The following RALYL variants were observed in gnomAD, a reference collection of about 807,000 sequenced individuals.
The protein encoded by RALYL is RALY RNA binding protein like.
A neutral mutation model predicts 35.1 loss-of-function variants in RALYL; 29 were observed. That is an observed-to-expected ratio of 0.83 (90% CI 0.61 to 1.13). The LOEUF is 1.13. Among genes scored for constraint, RALYL ranks in the 50% most tolerant of loss-of-function variants. The pLI is 0.00. For missense variants in RALYL, 359 were observed against 360.4 expected (o/e 1.00, Z 0.03); for synonymous variants, 120 against 127.6 (o/e 0.94, Z 0.40).
At chr8:84,578,712 C>G (rs1213940775) in intron 2 of RALYL, among the ~76,000 whole-genome samples, 2 of 152,138 alleles carry the variant, frequency 1.3e-5, no homozygotes, top group Non-Finnish European at 2.9e-5. Context: ...GAGAGATGAA[C>G]CACAGTGGGT....
chr8:84,446,418 T>C (rs957541057), intron 1 of RALYL, among the ~76,000 whole-genome samples: 6 of 152,038 alleles, frequency 3.9e-5, no homozygotes, highest in Non-Finnish European at 7.4e-5. Flanking sequence ...GTTATATTCA[T>C]GGATCTAGCT....
intron 2 of RALYL, among the ~76,000 whole-genome samples, chr8:84,746,460 G>C (rs1808626569): frequency 6.6e-6 from 1 of 151,872 alleles, no homozygotes; most frequent in South Asian, 2.1e-4. Context: ...AAAGAGCATA[G>C]CCATTTCTTC....
intron 2 of RALYL, among the ~76,000 whole-genome samples, chr8:84,621,899 C>A (rs1821598876): frequency 6.6e-6 from 1 of 152,150 alleles, no homozygotes; most frequent in African/African-American, 2.4e-5. Context: ...TTTTCAAGCT[C>A]TTTTTCTATG....
At chr8:84,242,227 C>T (rs957225604) in intron 1 of RALYL, among the ~76,000 whole-genome samples, 23 of 152,218 alleles carry the variant, frequency 1.5e-4, no homozygotes, top group African/African-American at 5.3e-4. Flanking sequence ...GCATATGTAC[C>T]ACATTTTCTT....
At chr8:84,872,723 C>T (rs1169696618) in intron 6 of RALYL, 1 of 152,236 alleles carries the variant, frequency 6.6e-6, no homozygotes, top group Admixed American at 6.5e-5. Context: ...GTACAACTCA[C>T]TGCCTTAGTT....
chr8:84,753,689 A>G (rs527444669), intron 2 of RALYL, among the ~76,000 whole-genome samples: 5 of 152,256 alleles, frequency 3.3e-5, no homozygotes, highest in Admixed American at 6.5e-5. Context: ...TATTCCAGCC[A>G]GGTGAAGTGC....
intron 3 of RALYL, among the ~76,000 whole-genome samples, chr8:84,790,051 G>A (rs770146251): frequency 6.6e-6 from 1 of 152,216 alleles, no homozygotes; most frequent in African/African-American, 2.4e-5. Flanking sequence ...GGTAGGTGAA[G>A]CACATATAGA....
intron 1 of RALYL, among the ~76,000 whole-genome samples, chr8:84,307,348 T>C (rs1842007669): frequency 6.6e-6 from 1 of 152,110 alleles, no homozygotes; most frequent in Non-Finnish European, 1.5e-5. Context: ...ACACAAACAA[T>C]GGATCTTTTA....
At chr8:84,790,190 G>C (rs1048735428) in intron 3 of RALYL, among the ~76,000 whole-genome samples, 3 of 152,160 alleles carry the variant, frequency 2.0e-5, no homozygotes, top group African/African-American at 4.8e-5. Context: ...GAAAAAAGCA[G>C]GGCAAGCTAG....
intron 8 of RALYL, among the ~76,000 whole-genome samples, chr8:84,889,570 G>T (rs919356154): frequency 6.6e-6 from 1 of 152,110 alleles, no homozygotes; most frequent in African/African-American, 2.4e-5. Flanking sequence ...GTCCCAAGAT[G>T]TCTTCATCAA....
intron 2 of RALYL, among the ~76,000 whole-genome samples, chr8:84,559,556 A>G (rs1191704662): frequency 6.6e-6 from 1 of 152,046 alleles, no homozygotes; most frequent in Non-Finnish European, 1.5e-5. Context: ...TTTCATGTAG[A>G]TGATTGTGAA....
intron 1 of RALYL, among the ~76,000 whole-genome samples, chr8:84,445,851 A>G (rs2048795259): frequency 6.6e-6 from 1 of 151,410 alleles, no homozygotes; most frequent in Non-Finnish European, 1.5e-5. Flanking sequence ...GTAAAGTTAT[A>G]TATAATTTTA....
intron 1 of RALYL, among the ~76,000 whole-genome samples, chr8:84,250,337 G>T (rs1829940836): frequency 1.3e-5 from 2 of 151,914 alleles, no homozygotes; most frequent in African/African-American, 2.4e-5. Flanking sequence ...ATGCAGTCCA[G>T]AGATGTTATG....
intron 2 of RALYL, among the ~76,000 whole-genome samples, chr8:84,558,542 AG>A (rs1191490530): frequency 6.6e-6 from 1 of 152,082 alleles, no homozygotes; most frequent in South Asian, 2.1e-4. Flanking sequence ...GTGGAATGAT[AG>A]TTTCTATTTC....
chr8:84,644,892 C>T (rs909993984), intron 2 of RALYL, among the ~76,000 whole-genome samples: 3 of 151,864 alleles, frequency 2.0e-5, no homozygotes, highest in African/African-American at 4.8e-5. Context: ...GCTGGGATTA[C>T]GGGTATGCAC....
At chr8:84,677,013 G>A (rs1333996743) in intron 2 of RALYL, among the ~76,000 whole-genome samples, 1 of 152,078 alleles carries the variant, frequency 6.6e-6, no homozygotes, top group African/African-American at 2.4e-5. Flanking sequence ...TATTGGCCAG[G>A]CTGGTCTCGA....
chr8:84,480,654 C>T (rs746781051), intron 1 of RALYL, among the ~76,000 whole-genome samples: 3 of 151,948 alleles, frequency 2.0e-5, no homozygotes, highest in African/African-American at 2.4e-5. Flanking sequence ...GATAAGAGAG[C>T]GTTCAAGATA....
At chr8:84,284,838 T>G (rs1051728457) in intron 1 of RALYL, among the ~76,000 whole-genome samples, 1 of 152,226 alleles carries the variant, frequency 6.6e-6, no homozygotes, top group Non-Finnish European at 1.5e-5. Flanking sequence ...TTAAAATATG[T>G]ACTTTGAATT....
At chr8:84,640,314 A>G (rs890140414) in intron 2 of RALYL, among the ~76,000 whole-genome samples, 5 of 152,014 alleles carry the variant, frequency 3.3e-5, no homozygotes, top group African/African-American at 4.8e-5. Flanking sequence ...TTTTGATAAA[A>G]CCTAAAATGT....
Sources: allele counts gnomAD v4.1 joint callset (sites outside exome capture counted in the v4.1 genomes callset), GRCh38; gene constraint gnomAD v4.1.1; transcripts MANE v1.5; gene names NCBI Gene and HGNC (gene_info 2026-07-23, HGNC 2026-07-21).